The following DAG1 variants were observed in gnomAD, a reference collection of about 807,000 sequenced individuals.
The protein encoded by DAG1 is dystroglycan 1 (dystrophin-associated glycoprotein 1).
A neutral mutation model predicts 46.1 loss-of-function variants in DAG1; 8 were observed. The ratio of observed to expected loss-of-function variants is 0.17; its 90% confidence interval spans 0.10 to 0.31. The LOEUF is 0.31. DAG1 is among the 10% of genes least tolerant of loss of function. DAG1 has a pLI of 1.00. For synonymous variants in DAG1, 495 were observed against 481.8 expected (o/e 1.03, Z -0.36); for missense variants, 1,003 against 1,189.9 (o/e 0.84, Z 2.31).
chr3:49,530,463 G>A (rs2051308596), intron 2 of DAG1, among the ~76,000 whole-genome samples: 1 of 152,172 alleles, frequency 6.6e-6, no homozygotes, highest in African/African-American at 2.4e-5. Context: ...TAGGTGGCAG[G>A]GCGTGTCACT....
chr3:49,520,690 G>T (rs1408414719), intron 2 of DAG1, among the ~76,000 whole-genome samples: 1 of 152,162 alleles, frequency 6.6e-6, no homozygotes, highest in Non-Finnish European at 1.5e-5. Context: ...TTGATGGAAG[G>T]TGCCACCACC....
At chr3:49,520,996 G>C (rs1475727197) in intron 2 of DAG1, among the ~76,000 whole-genome samples, 3 of 152,064 alleles carry the variant, frequency 2.0e-5, no homozygotes, top group African/African-American at 7.2e-5. Context: ...TTTCAGCTAT[G>C]CATAACTGAC....
Position 49,530,956 on chromosome 3 carries a change from T to A in DAG1, c.445T>A (p.Ser149Thr). The change falls in exon 3 of 3, where the codon TCC becomes ACC. Residue 149 changes from serine to threonine, a missense_variant. This residue lies in a region of DAG1 where 196 missense variants were observed against 239.1 expected (regional missense o/e 0.82). Coordinates refer to ENST00000308775, the MANE Select transcript of DAG1 (RefSeq NM_004393.6). ...CAACGGGAGCCACATCCCCCAGACC[T>A]CCAGTGTGTTCTCCATCGAGGTCTA... The part of the protein sequence containing the change: ...GANGSHIPQT[S>T]SVFSIEVYPE... 1.9e-6 allele frequency: 3 copies of A among 1,614,066 alleles called. No individual in the cohort carries two copies. Among genetic ancestry groups the A allele is most frequent in the Admixed American group, 1.7e-5 (1 of 60,008 alleles).
chr3:49,498,857 C>T (rs184226192), intron 1 of DAG1, among the ~76,000 whole-genome samples: 3 of 152,002 alleles, frequency 2.0e-5, no homozygotes, highest in South Asian at 2.1e-4. Context: ...TACAGGCATG[C>T]GCCACCATGC....
chr3:49,505,971 AT>A (rs1245813657), intron 1 of DAG1, among the ~76,000 whole-genome samples: 10 of 125,308 alleles, frequency 8.0e-5, no homozygotes, highest in African/African-American at 1.5e-4. Context: ...CGCCCGGCCT[AT>A]TTTTTTTTCT....
At chr3:49,530,011 G>C (rs1008905595) in intron 2 of DAG1, among the ~76,000 whole-genome samples, 3 of 152,176 alleles carry the variant, frequency 2.0e-5, no homozygotes, top group Non-Finnish European at 4.4e-5. Flanking sequence ...AGAGGTCTCT[G>C]TGTATTTCCT....
intron 1 of DAG1, among the ~76,000 whole-genome samples, chr3:49,501,902 A>G (rs2050463946): frequency 6.6e-6 from 1 of 152,152 alleles, no homozygotes; most frequent in African/African-American, 2.4e-5. Flanking sequence ...CTGTAGGCCA[A>G]GCACAGTGGC....
chr3:49,485,338 A>C (rs947222716), intron 1 of DAG1, among the ~76,000 whole-genome samples: 2 of 152,102 alleles, frequency 1.3e-5, no homozygotes, highest in African/African-American at 4.8e-5. Context: ...GCTCACTGCA[A>C]CCTTTTGGAG....
chr3:49,482,071 A>G (rs1238785110), intron 1 of DAG1, among the ~76,000 whole-genome samples: 1 of 152,226 alleles, frequency 6.6e-6, no homozygotes, highest in Non-Finnish European at 1.5e-5. Flanking sequence ...TTTAAAGTAT[A>G]CAGGAAGATG....
chr3:49,512,611 C>T (rs1244933549), intron 2 of DAG1, among the ~76,000 whole-genome samples: 1 of 151,024 alleles, frequency 6.6e-6, no homozygotes, highest in East Asian at 2.0e-4. Context: ...AGGCTGGTCT[C>T]AAACTCCTTA....
intron 1 of DAG1, among the ~76,000 whole-genome samples, chr3:49,484,559 G>A (rs1382031815): frequency 1.3e-5 from 2 of 152,098 alleles, no homozygotes; most frequent in African/African-American, 2.4e-5. Context: ...TTCTTCCTGT[G>A]GAGGGCTCTG....
chr3:49,532,842 G>T lies in DAG1; in HGVS notation c.2331G>T (p.Lys777Asn). The change falls in exon 3 of 3, where the codon AAG becomes AAT. Residue 777 changes from lysine (K) to asparagine (N), a missense_variant. Physicochemically the swap from Lys to Asn is moderately conservative, Grantham distance 94. Coordinates refer to ENST00000308775, the MANE Select transcript of DAG1 (RefSeq NM_004393.6). This position sits in a 1 kb window ranked among gnomAD's most constrained non-coding sequence, Gnocchi z 5.4. ...AGIIAMICYR[K>N]KRKGKLTLED... is the part of the protein sequence containing the mutation. Reference sequence around the variant, plus strand: ...TCATTGCCATGATCTGCTACCGCAAGAAGCGGAAGGGCAAGCTTACCCTTG... The same window carrying T: ...TCATTGCCATGATCTGCTACCGCAATAAGCGGAAGGGCAAGCTTACCCTTG... The T allele has an allele frequency of 1.2e-6, 2 of 1,614,126 alleles. No homozygotes were observed. Among genetic ancestry groups the T allele is most frequent in the Non-Finnish European group, 1.7e-6 (2 of 1,180,018 alleles).
intron 1 of DAG1, among the ~76,000 whole-genome samples, chr3:49,478,802 CTTTTTTTTTTTTTTT>C (rs201202889): frequency 1.2e-4 from 9 of 76,000 alleles, no homozygotes; most frequent in African/African-American, 2.7e-4. Context: ...CGTCCCCTCC[CTTTTTTTTTTTTTTT>C]TTTTTTTTTT....
chr3:49,494,619 T>C (rs1575363179), intron 1 of DAG1, among the ~76,000 whole-genome samples: 1 of 152,160 alleles, frequency 6.6e-6, no homozygotes, highest in Non-Finnish European at 1.5e-5. Flanking sequence ...GCCTTTATGC[T>C]TGGTGAATTA....
At chr3:49,481,022 A>G (rs1448305805) in intron 1 of DAG1, among the ~76,000 whole-genome samples, 3 of 146,666 alleles carry the variant, frequency 2.0e-5, no homozygotes, top group Non-Finnish European at 4.6e-5. Flanking sequence ...CGGCCTCCCA[A>G]AGTGCTGGGA....
rs11296790 is a variant in DAG1 at position 49,510,188 on chromosome 3, AT to A, written c.-116-225del. 3.7e-3 allele frequency: 1,803 copies of A among 490,660 alleles called. 36 individuals carry two copies. The highest frequency in any genetic ancestry group is 0.031 in the African/African-American group (1,606 of 52,322). 30.4% of individuals were successfully genotyped at this position (490,660 alleles called of 1,614,324 possible). Reference sequence around the variant, plus strand: ...AGTATTAATGAGGCATTTTACATTCATTTTTTATGAAGTTTTCAAAATCCAG... The same window carrying A: ...AGTATTAATGAGGCATTTTACATTCATTTTTATGAAGTTTTCAAAATCCAG... On this transcript the variant is annotated intron_variant, in intron 1 of 2. Transcript: ENST00000308775.
At chr3:49,505,173 G>C (rs1435510353) in intron 1 of DAG1, among the ~76,000 whole-genome samples, 1 of 151,566 alleles carries the variant, frequency 6.6e-6, no homozygotes, top group South Asian at 2.1e-4. Context: ...GTAGAGATGA[G>C]GTCTTACTGT....
rs553087345 is a variant in DAG1, at chr3:49,534,585, G to A, written c.*1386G>A. 1.3e-5 allele frequency: 2 copies of A among 152,644 alleles called. No homozygotes were observed. Among genetic ancestry groups the A allele is most frequent in the South Asian group, 4.1e-4 (2 of 4,820 alleles). The allele number at this position is 152,644 out of a possible 1,614,324, so 9.5% of individuals were successfully genotyped here. A position where few individuals can be genotyped will look rare whatever the true frequency, so the allele number is the denominator to read the frequency against. On this transcript the variant is annotated 3_prime_UTR_variant, in exon 3 of 3. Transcript: ENST00000308775. ...TAAGTGTTGATTCCATGGAACTGAC[G>A]GCTTTGCTTGTTTTGATTCTTTTCC...
At chr3:49,513,006 A>G (rs1203946211) in intron 2 of DAG1, among the ~76,000 whole-genome samples, 2 of 152,106 alleles carry the variant, frequency 1.3e-5, no homozygotes, top group Admixed American at 1.3e-4. Context: ...TTCTACATAC[A>G]TTTAGTGCTC....
Sources: gnomAD v4.1 joint callset for allele counts (sites outside exome capture counted in the v4.1 genomes callset) on GRCh38, gnomAD v4.1.1 for gene constraint, gnomAD v4.1.1 regional missense constraint, Gnocchi (gnomAD v3.1) non-coding constraint, MANE v1.5 for transcripts, NCBI Gene and HGNC (gene_info 2026-07-23, HGNC 2026-07-21) for gene names.